PGM5: variants seen among roughly 807,000 people sequenced by gnomAD.
PGM5 encodes the protein phosphoglucomutase 5, also known as phosphoglucomutase-like protein 5.
A neutral mutation model predicts 59.2 loss-of-function variants in PGM5; 23 were observed. That is an observed-to-expected ratio of 0.39 (90% CI 0.28 to 0.55). The LOEUF is 0.55. Ranked by LOEUF, PGM5 falls within the 20% of genes least tolerant of loss-of-function variation. PGM5 has a pLI of 0.66. For synonymous variants in PGM5, 214 were observed against 286.0 expected (o/e 0.75, Z 2.54); for missense variants, 574 against 748.3 (o/e 0.77, Z 2.72).
chr9:68,520,610 T>C (rs1352985133), intron 10 of PGM5, among the ~76,000 whole-genome samples: 1 of 152,036 alleles, frequency 6.6e-6, no homozygotes, highest in Admixed American at 6.5e-5. Context: ...GAATACAGAG[T>C]ATTATAAGGG....
At position 68,515,762 on chromosome 9, in the gene PGM5, T is replaced by A. The variant is rs997950732; in HGVS notation, c.1615-13805T>A. ...TTTATTTTATCTTTTATCAAAAAGATAACATGAACTTTATTTTATGGGCAA... is the reference window on the plus strand; with the variant it reads ...TTTATTTTATCTTTTATCAAAAAGAAAACATGAACTTTATTTTATGGGCAA... On this transcript the variant is annotated intron_variant, in intron 10 of 10. Coordinates refer to ENST00000396396, the MANE Select transcript of PGM5 (RefSeq NM_021965.4). Among the ~76,000 whole-genome samples the A allele has an allele frequency of 2.0e-5, 3 of 152,214 alleles. No individual in the cohort carries two copies. In the East Asian group the frequency reaches 5.8e-4, roughly 29 times the overall value.
chr9:68,481,944 A>C (rs1824203421), intron 8 of PGM5, among the ~76,000 whole-genome samples: 1 of 152,202 alleles, frequency 6.6e-6, no homozygotes, highest in African/African-American at 2.4e-5. Flanking sequence ...CAGGCTGAAA[A>C]TAATAAAACA....
chr9:68,471,616 T>TA (rs782012642), intron 7 of PGM5, among the ~76,000 whole-genome samples: 1,913 of 132,790 alleles, frequency 0.014, 9 homozygotes, highest in African/African-American at 0.02. Flanking sequence ...CCCTGTCTCT[T>TA]AAAAAAAAAA....
chr9:68,487,973 G>A (rs186066836), intron 9 of PGM5, among the ~76,000 whole-genome samples: 1 of 152,284 alleles, frequency 6.6e-6, no homozygotes, highest in East Asian at 1.9e-4. Flanking sequence ...AATAATAATT[G>A]TGGCTGTCTC....
chr9:68,438,069 C>A (rs1480702583), intron 6 of PGM5, among the ~76,000 whole-genome samples: 1 of 151,974 alleles, frequency 6.6e-6, no homozygotes, highest in Non-Finnish European at 1.5e-5. Context: ...GGGTGGATCG[C>A]CTGAGCTCGG....
chr9:68,452,612 C>T (rs932333432), intron 6 of PGM5, among the ~76,000 whole-genome samples: 1 of 152,204 alleles, frequency 6.6e-6, no homozygotes, highest in African/African-American at 2.4e-5. Flanking sequence ...TCCTCTTCCC[C>T]TACCACATCC....
At chr9:68,486,595 G>A (rs782280221) in intron 9 of PGM5, among the ~76,000 whole-genome samples, 12 of 152,154 alleles carry the variant, frequency 7.9e-5, no homozygotes, top group Non-Finnish European at 1.5e-4. Flanking sequence ...CATCCACTTT[G>A]TACCATATAT....
chr9:68,388,900 T>C (rs1193542064), intron 4 of PGM5, among the ~76,000 whole-genome samples: 2 of 85,928 alleles, frequency 2.3e-5, no homozygotes, highest in Admixed American at 1.3e-4. Context: ...TGTGGGACTC[T>C]ATCTTTATTA....
rs184799807 is a variant in PGM5 at position 68,485,592 on chromosome 9, G to A, written c.1479+1544G>A. Among the ~76,000 whole-genome samples the A allele has an allele frequency of 7.9e-4, 120 of 152,048 alleles. No homozygotes were observed. In the Middle Eastern group the frequency reaches 0.014, roughly 17 times the overall value. On this transcript the variant is annotated intron_variant, in intron 9 of 10. Coordinates refer to ENST00000396396, the MANE Select transcript of PGM5 (RefSeq NM_021965.4). ...TGTGAGTCCATTAAACCTCTTTTCCGCTATAAATTACCCAGTCTTTGGTAA... is the reference window on the plus strand; with the variant it reads ...TGTGAGTCCATTAAACCTCTTTTCCACTATAAATTACCCAGTCTTTGGTAA...
intron 6 of PGM5, among the ~76,000 whole-genome samples, chr9:68,415,317 G>A (rs879997462): frequency 3.3e-4 from 49 of 149,606 alleles, no homozygotes; most frequent in South Asian, 2.5e-3. Context: ...AACTGAGGTG[G>A]TTGTTCTGAG....
chr9:68,371,980 C>T (rs1821746540), intron 1 of PGM5, among the ~76,000 whole-genome samples: 1 of 152,138 alleles, frequency 6.6e-6, no homozygotes, highest in Admixed American at 6.5e-5. Flanking sequence ...ATGAGGCAGA[C>T]CCTCACTGAC....
intron 6 of PGM5, among the ~76,000 whole-genome samples, chr9:68,419,558 G>C (rs1406361594): frequency 3.9e-5 from 6 of 152,190 alleles, no homozygotes; most frequent in Non-Finnish European, 7.4e-5. Flanking sequence ...TACTTTAGGG[G>C]TCCGGGGAAA....
chr9:68,431,667 A>C (rs10868804), intron 6 of PGM5, among the ~76,000 whole-genome samples: 72,856 of 151,952 alleles, frequency 0.48, 18,192 homozygotes, highest in South Asian at 0.56. Flanking sequence ...ATCTTATAAC[A>C]GCTAGAAGGG....
chr9:68,524,331 T>A (rs1298081440), intron 10 of PGM5, among the ~76,000 whole-genome samples: 1 of 152,190 alleles, frequency 6.6e-6, no homozygotes, highest in African/African-American at 2.4e-5. Flanking sequence ...CCTGTCTACA[T>A]TAATGGACAG....
Position 68,499,239 on chromosome 9 carries a change from A to G in PGM5, c.1492A>G (p.Ile498Val), listed in dbSNP as rs1554688410. 1 of 1,614,054 alleles carries G rather than the reference A, an allele frequency of 6.2e-7. No individual in the cohort carries two copies. Among genetic ancestry groups the G allele is most frequent in the East Asian group, 2.2e-5 (1 of 44,876 alleles). Residue 498 changes from isoleucine (I) to valine (V), a missense_variant, in exon 10 of 11, where the codon ATT (isoleucine) becomes GTT (valine). Around this residue, in one of 7 missense-constraint regions of PGM5, gnomAD observed 300 missense variants for 280.0 expected, o/e 1.07. Transcript: ENST00000396396. Reference sequence around the variant, plus strand: ...TTCTTGGTCTCAGGGCCTAAGGATCATTTTCTCGGATGCATCACGGCTCAT... The same window carrying G: ...TTCTTGGTCTCAGGGCCTAAGGATCGTTTTCTCGGATGCATCACGGCTCAT... ...TVTKKQGLRI[I>V]FSDASRLIFR...
intron 3 of PGM5, among the ~76,000 whole-genome samples, chr9:68,386,598 T>C (rs1364491575): frequency 2.0e-5 from 3 of 152,112 alleles, no homozygotes; most frequent in African/African-American, 7.2e-5. Context: ...TTCAAAGTAG[T>C]ATGTATTTGA....
At chr9:68,378,999 T>A (rs1654318616) in intron 2 of PGM5, among the ~76,000 whole-genome samples, 2 of 152,190 alleles carry the variant, frequency 1.3e-5, no homozygotes, top group South Asian at 4.1e-4. Context: ...TATCTTTTTT[T>A]CTGAAGAATT....
At chr9:68,395,594 A>C (rs552333896) in intron 6 of PGM5, 2 of 152,178 alleles carry the variant, frequency 1.3e-5, no homozygotes, top group Admixed American at 6.5e-5. Context: ...CTCTCTATTT[A>C]GGTTTTCTTT....
intron 6 of PGM5, among the ~76,000 whole-genome samples, chr9:68,464,307 AAAACTTATAGGGG>A (rs781805585): frequency 3.9e-5 from 6 of 152,204 alleles, no homozygotes; most frequent in African/African-American, 4.8e-5. Context: ...ATTCAAGATC[AAAACTTATAGGGG>A]AGTGAGGAAG....
Sources: allele counts gnomAD v4.1 joint callset (sites outside exome capture counted in the v4.1 genomes callset), GRCh38; gene constraint gnomAD v4.1.1; regional missense constraint gnomAD v4.1.1; transcripts MANE v1.5; gene names NCBI Gene and HGNC (gene_info 2026-07-23, HGNC 2026-07-21).